Variants in STIP1 observed in about 807,000 individuals in gnomAD.
STIP1 encodes stress-induced-phosphoprotein 1.
A neutral mutation model predicts 77.4 loss-of-function variants in STIP1; 16 were observed. The ratio of observed to expected loss-of-function variants is 0.21; its 90% CI spans 0.14 to 0.31. The LOEUF is 0.31. Among genes scored for constraint, STIP1 ranks in the 10% least tolerant of loss-of-function variants. STIP1 has a pLI of 1.00. For missense variants in STIP1, 524 were observed against 684.8 expected (o/e 0.77, Z 2.62); for synonymous variants, 258 against 246.6 (o/e 1.05, Z -0.44).
Position 64,197,994 on chromosome 11 carries a change from G to A in STIP1, c.1023+20G>A, listed in dbSNP as rs760189861. Reference sequence around the variant, plus strand: ...CAGCAGGTGCGTAGGAAAAGAATAGGGGTATTTTCTTGTTTTCCTAATAAT... The same window carrying A: ...CAGCAGGTGCGTAGGAAAAGAATAGAGGTATTTTCTTGTTTTCCTAATAAT... On this transcript the variant is annotated intron_variant, in intron 8 of 13. Coordinates refer to ENST00000305218, the MANE Select transcript of STIP1 (RefSeq NM_006819.3). 1.1e-5 allele frequency: 18 copies of A among 1,591,832 alleles called. No individual in the cohort carries two copies. The highest frequency in any genetic ancestry group is 5.1e-6 in the Non-Finnish European group (6 of 1,171,534).
chr11:64,189,852 T>G (rs900771955), intron 1 of STIP1, among the ~76,000 whole-genome samples: 5 of 152,212 alleles, frequency 3.3e-5, no homozygotes, highest in Middle Eastern at 3.2e-3. Flanking sequence ...TTTTGTTAAC[T>G]CTTCGTCTTC....
At chr11:64,200,373 T>A (rs990636053) in intron 10 of STIP1, 80 bp downstream of exon 10, 1 of 1,520,674 alleles carries the variant, frequency 6.6e-7, no homozygotes, top group African/African-American at 1.4e-5. Context: ...CTCATCAACA[T>A]TGAGTTGATG....
chr11:64,201,707 A>G (rs1023307716), intron 10 of STIP1, among the ~76,000 whole-genome samples: 1 of 152,190 alleles, frequency 6.6e-6, no homozygotes, highest in East Asian at 1.9e-4. Context: ...GGATTGTGCA[A>G]GAGTCATGTC....
At chr11:64,200,566 A>G (rs1475592669) in intron 10 of STIP1, among the ~76,000 whole-genome samples, 1 of 149,790 alleles carries the variant, frequency 6.7e-6, no homozygotes, top group African/African-American at 2.5e-5. Flanking sequence ...CGTGTGTAAA[A>G]TATGGGACCT....
At chr11:64,198,803 C>T (rs1236424452) in intron 8 of STIP1, among the ~76,000 whole-genome samples, 1 of 141,714 alleles carries the variant, frequency 7.1e-6, no homozygotes, top group Non-Finnish European at 1.5e-5. Context: ...AGATTTCAAC[C>T]CTAAATGTGT....
At chr11:64,185,566 G>A (rs536832679), upstream of STIP1, 125 of 518,506 alleles carry the variant, frequency 2.4e-4, no homozygotes, top group South Asian at 1.6e-3. Context: ...CGCGGGCGAA[G>A]GGCTGGGGCC....
intron 1 of STIP1, among the ~76,000 whole-genome samples, chr11:64,188,107 G>A (rs1197456647): frequency 6.6e-6 from 1 of 151,490 alleles, no homozygotes; most frequent in Non-Finnish European, 1.5e-5. Context: ...AGCACTTTGG[G>A]AGGCCAAGGT....
In STIP1 at chr11:64,204,147, C is replaced by G; in HGVS notation, c.*21C>G. 1 of 1,613,830 alleles carries G rather than the reference C, an allele frequency of 6.2e-7. No individual in the cohort carries two copies. The highest frequency in any genetic ancestry group is 1.1e-5 in the South Asian group (1 of 91,062). ...GGTGATGACTTGTTCATCCCCCCTT[C>G]CCTTCGCCCTCATGTGGAAAGAGGA... is the stretch of plus-strand genomic sequence containing the variant. On this transcript the variant is annotated 3_prime_UTR_variant, in exon 14 of 14. Transcript: ENST00000305218.
intron 13 of STIP1, chr11:64,203,847 T>A: frequency 2.6e-6 from 2 of 767,750 alleles, no homozygotes. Context: ...GAGAAAGGTC[T>A]TGACTGGAAG....
At chr11:64,185,911 GT>G, upstream of STIP1, 1 of 1,536,274 alleles carries the variant, frequency 6.5e-7, no homozygotes, top group Non-Finnish European at 8.7e-7. Context: ...ACGATTGGCA[GT>G]GCAAAAGACC....
At chr11:64,192,517 G>A (rs1487909493) in intron 1 of STIP1, among the ~76,000 whole-genome samples, 1 of 152,150 alleles carries the variant, frequency 6.6e-6, no homozygotes, top group Non-Finnish European at 1.5e-5. Flanking sequence ...GTGGTGACAT[G>A]TTGCCACACC....
At chr11:64,195,897 G>C (rs1591010050) in intron 5 of STIP1, 84 bp downstream of exon 5, 1 of 1,564,762 alleles carries the variant, frequency 6.4e-7, no homozygotes, top group Non-Finnish European at 8.7e-7. Context: ...TGTTGACCTT[G>C]ATTGACCATG....
At chr11:64,186,026 A>C (rs867542578), upstream of STIP1, 5 of 1,545,662 alleles carry the variant, frequency 3.2e-6, no homozygotes, top group African/African-American at 2.7e-5. Context: ...GGCAGGGTTG[A>C]GGGAATTACT....
chr11:64,198,718 A>C (rs1946178564), intron 8 of STIP1, among the ~76,000 whole-genome samples: 1 of 149,958 alleles, frequency 6.7e-6, no homozygotes, highest in Non-Finnish European at 1.5e-5. Context: ...TAACAGTGAC[A>C]ACATGTAGGA....
intron 1 of STIP1, among the ~76,000 whole-genome samples, chr11:64,187,531 G>A (rs557534524): frequency 6.6e-6 from 1 of 152,282 alleles, no homozygotes. Flanking sequence ...TTGGTCTCTT[G>A]TAGCAGTTGC....
rs1457139779 is a variant in STIP1, at chr11:64,203,636, G to T, written c.1559+14G>T. ...GGCACTCAGCGAGTACGTAGAGTCA[G>T]AGAGGCGGCCTTGCTGGAAATGGAG... is the stretch of plus-strand genomic sequence containing the variant. On this transcript the variant is annotated intron_variant, in intron 13 of 13. Coordinates refer to ENST00000305218, the MANE Select transcript of STIP1 (RefSeq NM_006819.3). The T allele has an allele frequency of 6.2e-7, 1 of 1,614,156 alleles. No individual in the cohort carries two copies. The highest frequency in any genetic ancestry group is 2.2e-5 in the East Asian group (1 of 44,886).
In STIP1 at chr11:64,197,313, A is replaced by G; in HGVS notation, c.715A>G (p.Lys239Glu). The G allele has an allele frequency of 6.2e-7, 1 of 1,614,132 alleles. No homozygotes were observed. Residue 239 changes from lysine (K) to glutamate (E), a missense_variant, in exon 6 of 14, where the codon AAA (lysine) becomes GAA (glutamate). Lys to Glu is a moderately conservative substitution (Grantham distance 56). Coordinates refer to ENST00000305218, the MANE Select transcript of STIP1 (RefSeq NM_006819.3). Reference sequence around the variant, plus strand: ...GCTGGGGAACGATGCCTACAAGAAGAAAGACTTTGACACAGCCTTGAAGCA... The same window carrying G: ...GCTGGGGAACGATGCCTACAAGAAGGAAGACTTTGACACAGCCTTGAAGCA... The part of the protein sequence containing the change: ...KELGNDAYKK[K>E]DFDTALKHYD...
At position 64,204,366 on chromosome 11, in the gene STIP1, C is replaced by T. The variant is rs1946260394; in HGVS notation, c.*240C>T. The T allele has an allele frequency of 1.0e-5, 5 of 500,190 alleles. No individual in the cohort carries two copies. The highest frequency in any genetic ancestry group is 4.0e-5 in the African/African-American group (2 of 49,950). 31.0% of individuals were successfully genotyped at this position (500,190 alleles called of 1,614,324 possible). A position where few individuals can be genotyped will look rare whatever the true frequency, so the allele number is the denominator to read the frequency against. On this transcript the variant is annotated 3_prime_UTR_variant, in exon 14 of 14. Coordinates refer to ENST00000305218, the MANE Select transcript of STIP1 (RefSeq NM_006819.3). The stretch of plus-strand genomic sequence containing the variant: ...CTGCCCTCGAGTTCCATGTCTCTTT[C>T]CCCTGCCCCTAGTTGCTGTCTCGGC...
intron 7 of STIP1, 41 bp from the exon 8 acceptor site, chr11:64,197,813 C>T (rs1946167662): frequency 6.3e-7 from 1 of 1,595,314 alleles, no homozygotes; most frequent in East Asian, 2.2e-5. Flanking sequence ...CTGACTTTAT[C>T]TCTCTGTCCT....
Sources: gnomAD v4.1 joint callset for allele counts (sites outside exome capture counted in the v4.1 genomes callset) on GRCh38, gnomAD v4.1.1 for gene constraint, MANE v1.5 for transcripts, NCBI Gene and HGNC (gene_info 2026-07-23, HGNC 2026-07-21) for gene names.